Variants in MKLN1 observed in about 807,000 individuals in gnomAD.
MKLN1 encodes muskelin.
In MKLN1, 18 loss-of-function variants were observed where a neutral mutation model predicts 99.0. The observed-to-expected ratio is 0.18, with a 90% CI of 0.13 to 0.27. The LOEUF (loss-of-function observed/expected upper bound fraction) is 0.27, where lower values mean the gene tolerates loss of function less well. MKLN1 is among the 10% of genes least tolerant of loss of function. The pLI is 1.00. For synonymous variants in MKLN1, 288 were observed against 293.2 expected (o/e 0.98, Z 0.18); for missense variants, 621 against 875.9 (o/e 0.71, Z 3.67).
At chr7:131,368,361 T>C (rs961044728) in intron 1 of MKLN1, among the ~76,000 whole-genome samples, 1 of 152,250 alleles carries the variant, frequency 6.6e-6, no homozygotes, top group African/African-American at 2.4e-5. Flanking sequence ...GATTTTCTGA[T>C]GGTGTGTTAG....
intron 2 of MKLN1, among the ~76,000 whole-genome samples, chr7:131,173,884 G>T (rs1796252346): frequency 6.6e-6 from 1 of 151,372 alleles, no homozygotes; most frequent in African/African-American, 2.4e-5. Context: ...ATTTACTACA[G>T]ATTTTCTTGT....
At chr7:131,206,282 A>G (rs1034375636) in intron 3 of MKLN1, among the ~76,000 whole-genome samples, 1 of 152,208 alleles carries the variant, frequency 6.6e-6, no homozygotes, top group Non-Finnish European at 1.5e-5. Context: ...CTTAAATTAC[A>G]TCTGCAAAAT....
At chr7:131,294,873 C>T (rs1301436491) in intron 3 of MKLN1, among the ~76,000 whole-genome samples, 2 of 152,224 alleles carry the variant, frequency 1.3e-5, no homozygotes, top group Admixed American at 6.5e-5. Context: ...TTGCTACATA[C>T]AAAAAAGAGA....
intron 3 of MKLN1, among the ~76,000 whole-genome samples, chr7:131,320,617 G>A (rs148368754): frequency 6.6e-6 from 1 of 152,034 alleles, no homozygotes; most frequent in African/African-American, 2.4e-5. Flanking sequence ...CACAGCAAAA[G>A]AAACTATCAC....
At chr7:131,133,838 T>G (rs1440783510) in intron 1 of MKLN1, among the ~76,000 whole-genome samples, 2 of 140,212 alleles carry the variant, frequency 1.4e-5, no homozygotes, top group Non-Finnish European at 3.1e-5. Context: ...TTTTTTTTTT[T>G]TTTTTTTTGA....
At chr7:131,209,563 A>G (rs1466817226) in intron 3 of MKLN1, among the ~76,000 whole-genome samples, 1 of 152,190 alleles carries the variant, frequency 6.6e-6, no homozygotes, top group African/African-American at 2.4e-5. Flanking sequence ...GATGCCATTT[A>G]GTGAGACAGG....
At chr7:131,208,464 G>A (rs1408712004) in intron 3 of MKLN1, among the ~76,000 whole-genome samples, 1 of 152,098 alleles carries the variant, frequency 6.6e-6, no homozygotes, top group Non-Finnish European at 1.5e-5. Flanking sequence ...GTGTGGTGGT[G>A]CGTGCCTGTG....
chr7:131,286,215 G>T (rs1798130779), intron 3 of MKLN1, among the ~76,000 whole-genome samples: 1 of 152,192 alleles, frequency 6.6e-6, no homozygotes, highest in South Asian at 2.1e-4. Flanking sequence ...CTCTCAAAGT[G>T]CTGGGATTAC....
chr7:131,191,238 G>A (rs1796536675), intron 2 of MKLN1, among the ~76,000 whole-genome samples: 1 of 152,270 alleles, frequency 6.6e-6, no homozygotes, highest in African/African-American at 2.4e-5. Flanking sequence ...TCTGGATAAA[G>A]TGGATCTCTT....
intron 1 of MKLN1, among the ~76,000 whole-genome samples, chr7:131,116,707 A>G (rs762275044): frequency 3.5e-4 from 53 of 152,122 alleles, no homozygotes; most frequent in Non-Finnish European, 5.6e-4. Flanking sequence ...AAAACTCTGG[A>G]AAATTGGGTA....
chr7:131,222,470 T>C (rs1797073814), intron 3 of MKLN1, among the ~76,000 whole-genome samples: 1 of 152,198 alleles, frequency 6.6e-6, no homozygotes, highest in East Asian at 1.9e-4. Context: ...CTCTGGTTTA[T>C]GTAGAGTCTC....
chr7:131,382,750 G>T (rs1480449012), intron 2 of MKLN1, among the ~76,000 whole-genome samples: 3 of 147,400 alleles, frequency 2.0e-5, no homozygotes, highest in Admixed American at 1.4e-4. Flanking sequence ...TAGAGACAGG[G>T]TCTTACTGTG....
At chr7:131,140,730 C>T (rs1024269602) in intron 1 of MKLN1, among the ~76,000 whole-genome samples, 11 of 152,004 alleles carry the variant, frequency 7.2e-5, no homozygotes, top group Admixed American at 5.2e-4. Flanking sequence ...TACCCAGCTT[C>T]AGGCATTCCT....
chr7:131,170,157 A>G (rs1398543564), intron 2 of MKLN1, among the ~76,000 whole-genome samples: 1 of 152,196 alleles, frequency 6.6e-6, no homozygotes, highest in Non-Finnish European at 1.5e-5. Flanking sequence ...GAGTCATAAC[A>G]TGATCACCCT....
At chr7:131,411,422 A>T in intron 7 of MKLN1, 39 bp downstream of exon 7, 1 of 1,321,028 alleles carries the variant, frequency 7.6e-7, no homozygotes, top group Admixed American at 1.7e-5. Context: ...TTTTTCATTA[A>T]TGTCTCAGTC....
intron 12 of MKLN1, among the ~76,000 whole-genome samples, chr7:131,456,084 T>G (rs1349802909): frequency 2.0e-5 from 3 of 151,826 alleles, no homozygotes; most frequent in East Asian, 1.9e-4. Flanking sequence ...TGTTAAAAAT[T>G]GAAAAGATAG....
chr7:131,164,420 T>A (rs1353218879), intron 2 of MKLN1, among the ~76,000 whole-genome samples: 4 of 152,144 alleles, frequency 2.6e-5, no homozygotes, highest in Admixed American at 2.6e-4. Flanking sequence ...CGGCCACTTA[T>A]TTGTTTTTTA....
chr7:131,243,388 G>C (rs538227213), intron 3 of MKLN1, among the ~76,000 whole-genome samples: 1 of 152,302 alleles, frequency 6.6e-6, no homozygotes. Flanking sequence ...GTAATAATGT[G>C]TGAACCTGGA....
At chr7:131,266,198 C>CAAAAAAAAAAAAAAAAAAAAAAA (rs1797805640) in intron 3 of MKLN1, among the ~76,000 whole-genome samples, 1 of 118,612 alleles carries the variant, frequency 8.4e-6, no homozygotes, top group African/African-American at 3.0e-5. Flanking sequence ...AAAAAAAAAT[C>CAAAAAAAAAAAAAAAAAAAAAAA]AAATTGGTTG....
Sources: allele counts gnomAD v4.1 joint callset (sites outside exome capture counted in the v4.1 genomes callset), GRCh38; gene constraint gnomAD v4.1.1; transcripts MANE v1.5; gene names NCBI Gene and HGNC (gene_info 2026-07-23, HGNC 2026-07-21).